The following PHKB variants were observed in gnomAD, a reference collection of about 807,000 sequenced individuals.
PHKB encodes phosphorylase kinase regulatory subunit beta.
A neutral mutation model predicts 152.1 loss-of-function variants in PHKB; 122 were observed. The ratio of observed to expected loss-of-function variants is 0.80; its 90% CI spans 0.69 to 0.93. The LOEUF (loss-of-function observed/expected upper bound fraction) is 0.93. Ranked by LOEUF, PHKB falls within the 40% of genes least tolerant of loss-of-function variation. PHKB has a pLI of 0.00. For synonymous variants in PHKB, 436 were observed against 464.9 expected (o/e 0.94, Z 0.80); for missense variants, 1,304 against 1,328.4 (o/e 0.98, Z 0.29).
chr16:47,680,457 A>G (rs999149209), intron 26 of PHKB, among the ~76,000 whole-genome samples: 2 of 152,150 alleles, frequency 1.3e-5, no homozygotes, highest in African/African-American at 4.8e-5. Context: ...GCCTGTTATT[A>G]GTCTATTCAG....
intron 1 of PHKB, among the ~76,000 whole-genome samples, chr16:47,467,431 A>G (rs1179886689): frequency 6.6e-6 from 1 of 152,188 alleles, no homozygotes; most frequent in African/African-American, 2.4e-5. Flanking sequence ...ATTGTTTCTG[A>G]TAGTTTCCAT....
At chr16:47,650,663 C>A in intron 19 of PHKB, 37 bp downstream of exon 19, 2 of 1,396,678 alleles carry the variant, frequency 1.4e-6, no homozygotes, top group Non-Finnish European at 2.0e-6. Flanking sequence ...GTGTGTCTCA[C>A]TGACATGAAC....
At position 47,464,265 on chromosome 16, in the gene PHKB, A is replaced by G. The variant is rs1356676418; in HGVS notation, c.76+2839A>G. Reference sequence around the variant, plus strand: ...AGTTCCTTAGTGTCTGGGAGCTCCCATTGTCAAATGTGCACATAGCATATT... The same window carrying G: ...AGTTCCTTAGTGTCTGGGAGCTCCCGTTGTCAAATGTGCACATAGCATATT... On this transcript the variant is annotated intron_variant, in intron 1 of 30. Transcript: ENST00000323584. 1.0e-5 allele frequency: 5 copies of G among 482,430 alleles called. No homozygotes were observed. In the Admixed American group the frequency reaches 1.7e-4, roughly 17 times the overall value. 29.9% of individuals were successfully genotyped at this position (482,430 alleles called of 1,614,324 possible). A position where few individuals can be genotyped will look rare whatever the true frequency, so the allele number is the denominator to read the frequency against.
At chr16:47,664,470 C>A in intron 24 of PHKB, 1 of 194,050 alleles carries the variant, frequency 5.2e-6, no homozygotes, top group Non-Finnish European at 1.1e-5. Flanking sequence ...CTCCCTTAAC[C>A]TCAATGAGCC....
chr16:47,616,531 T>C (rs1972518940), intron 14 of PHKB, among the ~76,000 whole-genome samples: 1 of 145,968 alleles, frequency 6.9e-6, no homozygotes, highest in Non-Finnish European at 1.5e-5. Context: ...ATATTTATAA[T>C]ATATAAATAT....
At chr16:47,643,816 T>G (rs1185267452) in intron 16 of PHKB, among the ~76,000 whole-genome samples, 1 of 152,216 alleles carries the variant, frequency 6.6e-6, no homozygotes, top group Admixed American at 6.5e-5. Flanking sequence ...AGCAGGGCTT[T>G]TACACAGCAT....
chr16:47,479,458 ATT>A (rs1221626791), intron 1 of PHKB, among the ~76,000 whole-genome samples: 1 of 138,564 alleles, frequency 7.2e-6, no homozygotes, highest in East Asian at 2.1e-4. Context: ...CTTCTCTCTC[ATT>A]TTTTTTTTTT....
At chr16:47,656,200 G>T (rs1172615652) in intron 20 of PHKB, among the ~76,000 whole-genome samples, 1 of 151,982 alleles carries the variant, frequency 6.6e-6, no homozygotes, top group African/African-American at 2.4e-5. Flanking sequence ...TGTATTTTTA[G>T]TAGAGATGGG....
intron 26 of PHKB, among the ~76,000 whole-genome samples, chr16:47,682,402 A>G (rs895827162): frequency 2.3e-4 from 35 of 152,196 alleles, no homozygotes; most frequent in Admixed American, 1.8e-3. Flanking sequence ...AGGTACACCA[A>G]TCAGACGTAG....
At chr16:47,587,549 C>T in intron 8 of PHKB, 119 bp from the exon 9 acceptor site, 1 of 689,378 alleles carries the variant, frequency 1.5e-6, no homozygotes, top group Non-Finnish European at 2.6e-6. Context: ...TCTTCTGGAA[C>T]TCCACACTCA....
chr16:47,472,049 C>T (rs899962108), intron 1 of PHKB, among the ~76,000 whole-genome samples: 2 of 152,052 alleles, frequency 1.3e-5, no homozygotes, highest in Admixed American at 1.3e-4. Flanking sequence ...GAGAGAGACT[C>T]CGTCTCAAAA....
intron 14 of PHKB, among the ~76,000 whole-genome samples, chr16:47,618,690 T>C (rs1972564865): frequency 6.6e-6 from 1 of 152,204 alleles, no homozygotes; most frequent in Non-Finnish European, 1.5e-5. Flanking sequence ...TAAACTTTAT[T>C]CTTAGAAAAA....
At chr16:47,473,245 T>TTTTTTTTA in intron 1 of PHKB, among the ~76,000 whole-genome samples, 1 of 131,488 alleles carries the variant, frequency 7.6e-6, no homozygotes, top group Admixed American at 7.6e-5. Context: ...TTTTTTTTTT[T>TTTTTTTTA]TTTTTTTATT....
intron 4 of PHKB, among the ~76,000 whole-genome samples, chr16:47,507,770 G>C (rs574545633): frequency 6.6e-6 from 1 of 152,310 alleles, no homozygotes; most frequent in Admixed American, 6.5e-5. Flanking sequence ...TATTATTCTA[G>C]TGCATATGAG....
chr16:47,604,182 C>A (rs1972283559), intron 13 of PHKB, among the ~76,000 whole-genome samples: 1 of 152,010 alleles, frequency 6.6e-6, no homozygotes, highest in Non-Finnish European at 1.5e-5. Context: ...CCCATTTAAT[C>A]TTGGTTTTAT....
At chr16:47,575,819 G>A (rs1400178613) in intron 7 of PHKB, among the ~76,000 whole-genome samples, 2 of 152,324 alleles carry the variant, frequency 1.3e-5, no homozygotes, top group South Asian at 2.1e-4. Flanking sequence ...GCTAATGCCT[G>A]TAATCCCAGC....
At chr16:47,503,485 G>T (rs755770151) in intron 4 of PHKB, among the ~76,000 whole-genome samples, 1 of 152,148 alleles carries the variant, frequency 6.6e-6, no homozygotes, top group Non-Finnish European at 1.5e-5. Flanking sequence ...GTTTAAAAAT[G>T]TAACACTTCA....
At chr16:47,638,698 T>C (rs765475868) in intron 14 of PHKB, among the ~76,000 whole-genome samples, 1 of 152,242 alleles carries the variant, frequency 6.6e-6, no homozygotes, top group Non-Finnish European at 1.5e-5. Flanking sequence ...CCTAGTAGAC[T>C]GAACTCCTCA....
chr16:47,565,416 T>C (rs1347981948), intron 7 of PHKB: 1 of 1,253,956 alleles, frequency 8.0e-7, no homozygotes, highest in Non-Finnish European at 1.2e-6. Context: ...ATTGCTGCTC[T>C]GTATCTGAGC....
Sources: allele counts gnomAD v4.1 joint callset (sites outside exome capture counted in the v4.1 genomes callset), GRCh38; gene constraint gnomAD v4.1.1; transcripts MANE v1.5; gene names NCBI Gene and HGNC (gene_info 2026-07-23, HGNC 2026-07-21).